Variants in AGPAT4 observed in about 807,000 individuals in gnomAD.
AGPAT4 encodes 1-acylglycerol-3-phosphate O-acyltransferase 4, also known as 1-acyl-sn-glycerol-3-phosphate acyltransferase delta.
In AGPAT4, 15 loss-of-function variants were observed where a neutral mutation model predicts 48.0. The observed-to-expected ratio is 0.31, with a 90% CI of 0.21 to 0.48. The LOEUF is 0.48. Ranked by LOEUF, AGPAT4 falls within the 20% of genes least tolerant of loss-of-function variation. The pLI is 0.99. For synonymous variants in AGPAT4, 178 were observed against 198.7 expected (o/e 0.90, Z 0.88); for missense variants, 314 against 482.5 (o/e 0.65, Z 3.27).
At position 161,169,986 on chromosome 6, in the gene AGPAT4, C is replaced by A. The variant is rs111815533; in HGVS notation, c.179-3569G>T. On this transcript the variant is annotated intron_variant, in intron 2 of 8. Coordinates refer to ENST00000320285, the MANE Select transcript of AGPAT4 (RefSeq NM_020133.3). This position sits in a 1 kb window ranked among gnomAD's most constrained non-coding sequence, Gnocchi z 5.0. ...ACTGCTCCTCCTTCCCCTGGATCCC[C>A]GCCAGCTTCTCTGAATCCCAGGCCA... Among the ~76,000 whole-genome samples the A allele has an allele frequency of 6.6e-6, 1 of 152,184 alleles. No homozygotes were observed. Among genetic ancestry groups the A allele is most frequent in the African/African-American group, 2.4e-5 (1 of 41,448 alleles).
At position 161,138,083 on chromosome 6, in the gene AGPAT4, G is replaced by C. The variant is rs907219749; in HGVS notation, c.1042+1339C>G. ...AAGCAGAAGGGTTGAGCTTGCCCCC[G>C]CCCTACCAGGGGCCCTGGCACCTGC... On this transcript the variant is annotated intron_variant, in intron 8 of 8. Transcript: ENST00000320285. This position sits in a 1 kb window ranked among gnomAD's most constrained non-coding sequence, Gnocchi z 4.8. 6.6e-6 allele frequency among the ~76,000 whole-genome samples: 1 copy of C among 152,192 alleles called. No homozygotes were observed. The highest frequency in any genetic ancestry group is 1.5e-5 in the Non-Finnish European group (1 of 68,036).
At position 161,166,342 on chromosome 6, in the gene AGPAT4, T is replaced by C. The variant is rs1172085537; in HGVS notation, c.254A>G (p.Tyr85Cys). 6.2e-7 allele frequency: 1 copy of C among 1,614,036 alleles called. No individual in the cohort carries two copies. Among genetic ancestry groups the C allele is most frequent in the Non-Finnish European group, 8.5e-7 (1 of 1,180,030 alleles). ...IFTDPRAYLK[Y>C]GKENAIVVLN... ...AACCACGATGGCATTTTCCTTCCCA[T>C]ACTTGAGGTAGGCGCGCGGGTCCGT... is the stretch of plus-strand genomic sequence containing the variant. The change falls in exon 3 of 9, where the codon TAT becomes TGT. Residue 85 changes from tyrosine (Y) to cysteine (C), a missense_variant. Physicochemically the swap from Tyr to Cys is radical, Grantham distance 194. Transcript: ENST00000320285. This position sits in a 1 kb window ranked among gnomAD's most constrained non-coding sequence, Gnocchi z 6.7.
At chr6:161,181,503 C>CGGGGGGGGGGGGGGGGG (rs776492737) in intron 2 of AGPAT4, among the ~76,000 whole-genome samples, 1 of 126,106 alleles carries the variant, frequency 7.9e-6, no homozygotes, top group Non-Finnish European at 1.7e-5. Flanking sequence ...GTGGGGGTAG[C>CGGGGGGGGGGGGGGGGG]AGGGGGCGGG....
In AGPAT4 at chr6:161,184,475, G is replaced by C. The variant is rs1040593268; in HGVS notation, c.179-18058C>G. ...GAGGGGCAGGTGATGGAGGAGTCTG[G>C]CATTTGGGTTTGAACACATCAGTCA... On this transcript the variant is annotated intron_variant, in intron 2 of 8. Transcript: ENST00000320285. This position sits in a 1 kb window ranked among gnomAD's most constrained non-coding sequence, Gnocchi z 4.8. Among the ~76,000 whole-genome samples, 15 of 151,978 alleles carry C rather than the reference G, an allele frequency of 9.9e-5. No homozygotes were observed. The highest frequency in any genetic ancestry group is 1.9e-4 in the Non-Finnish European group (13 of 68,004).
chr6:161,233,762 A>G lies in AGPAT4; in HGVS notation c.-89-1460T>C, dbSNP rs764649830. The stretch of plus-strand genomic sequence containing the variant: ...GATGTTTGGTAGGTGAGGTGCATGC[A>G]ATGCCTTTTTGACCTACAGTATTTT... On this transcript the variant is annotated intron_variant, in intron 1 of 8. Transcript: ENST00000320285. The surrounding 1 kb of genome is among the most constrained non-coding windows in gnomAD (Gnocchi z 5.4). Among the ~76,000 whole-genome samples the G allele has an allele frequency of 3.9e-5, 6 of 152,340 alleles. No homozygotes were observed. The highest frequency in any genetic ancestry group is 4.1e-4 in the South Asian group (2 of 4,830).
In AGPAT4 at chr6:161,139,137, C is replaced by T. The variant is rs1479354918; in HGVS notation, c.1042+285G>A. ...GAGGACAGGGAGGGAGCACTCCCAG[C>T]TGTCGGGGAGTGAAGTGGCAGCTGC... On this transcript the variant is annotated intron_variant, in intron 8 of 8. Coordinates refer to ENST00000320285, the MANE Select transcript of AGPAT4 (RefSeq NM_020133.3). This position sits in a 1 kb window ranked among gnomAD's most constrained non-coding sequence, Gnocchi z 9.1. Among the ~76,000 whole-genome samples, 1 of 152,206 alleles carries T rather than the reference C, an allele frequency of 6.6e-6. No individual in the cohort carries two copies. Among genetic ancestry groups the T allele is most frequent in the African/African-American group, 2.4e-5 (1 of 41,458 alleles).
chr6:161,247,594 C>A (rs976577236), intron 1 of AGPAT4, among the ~76,000 whole-genome samples: 2 of 152,150 alleles, frequency 1.3e-5, no homozygotes, highest in Non-Finnish European at 2.9e-5. Context: ...CCACAGCCAA[C>A]ACATCATACT....
At chr6:161,209,937 G>A (rs1191461285) in intron 2 of AGPAT4, among the ~76,000 whole-genome samples, 1 of 151,954 alleles carries the variant, frequency 6.6e-6, no homozygotes, top group Non-Finnish European at 1.5e-5. Flanking sequence ...GTTTTGTTTT[G>A]TTTTGTTTTG....
At position 161,143,357 on chromosome 6, in the gene AGPAT4, T is replaced by C. The variant is rs9458140; in HGVS notation, c.843+3167A>G. ...CCCAAAGTGCTTACTCCCAAAGGGA[T>C]TACTGGCATGAGCCACTGTGCCCAG... On this transcript the variant is annotated intron_variant, in intron 7 of 8. Transcript: ENST00000320285. The surrounding 1 kb of genome is among the most constrained non-coding windows in gnomAD (Gnocchi z 4.7). Among the ~76,000 whole-genome samples the C allele has an allele frequency of 0.19, 28,889 of 152,184 alleles. 2,985 individuals carry two copies. Among genetic ancestry groups the C allele is most frequent in the African/African-American group, 0.27 (11,383 of 41,516 alleles).
intron 3 of AGPAT4, among the ~76,000 whole-genome samples, chr6:161,163,837 AGGCATCGCCCTGGCCCCAGGC>A (rs1780009248): frequency 1.3e-5 from 2 of 152,182 alleles, no homozygotes; most frequent in South Asian, 4.1e-4. Context: ...AGAAGAGAAG[AGGCATCGCCCTGGCCCCAGGC>A]TCCCAGACCT....
rs1583266445 is a variant in AGPAT4, at chr6:161,133,193, C to G, written c.*3347G>C. On this transcript the variant is annotated 3_prime_UTR_variant, in exon 9 of 9. Coordinates refer to ENST00000320285, the MANE Select transcript of AGPAT4 (RefSeq NM_020133.3). ...AAGCCCATTCTGTTTTGCTTGGGGA[C>G]CAGCCAGACCACTCCTCCACTCCAG... 6.6e-6 allele frequency: 1 copy of G among 152,322 alleles called. No homozygotes were observed. Among genetic ancestry groups the G allele is most frequent in the East Asian group, 1.9e-4 (1 of 5,186 alleles). 9.4% of individuals were successfully genotyped at this position (152,322 alleles called of 1,614,324 possible).
Position 161,165,432 on chromosome 6 carries a change from G to C in AGPAT4, c.348+816C>G. The C allele has an allele frequency of 3.1e-6, 1 of 321,502 alleles. No individual in the cohort carries two copies. The highest frequency in any genetic ancestry group is 5.3e-6 in the Non-Finnish European group (1 of 187,770). 19.9% of individuals were successfully genotyped at this position (321,502 alleles called of 1,614,324 possible). A position where few individuals can be genotyped will look rare whatever the true frequency, so the allele number is the denominator to read the frequency against. Reference sequence around the variant, plus strand: ...TCTTCAGGGGCTACCAAAAAGCAAGGTGATTTCAGCAGCCCCCGTATCTGT... The same window carrying C: ...TCTTCAGGGGCTACCAAAAAGCAAGCTGATTTCAGCAGCCCCCGTATCTGT... On this transcript the variant is annotated intron_variant, in intron 3 of 8. Transcript: ENST00000320285. The surrounding 1 kb of genome is among the most constrained non-coding windows in gnomAD (Gnocchi z 5.5).
Position 161,219,913 on chromosome 6 carries a change from AGGC to A in AGPAT4, c.178+12120_178+12122del, listed in dbSNP as rs749492192. ...CAGGCAGGCAGGCAGGCAGGCAGGC[AGGC>A]GGCAGGCAGGCAGGCAGGCAGGCAG... On this transcript the variant is annotated intron_variant, in intron 2 of 8. Coordinates refer to ENST00000320285, the MANE Select transcript of AGPAT4 (RefSeq NM_020133.3). This position sits in a 1 kb window ranked among gnomAD's most constrained non-coding sequence, Gnocchi z 4.9. Among the ~76,000 whole-genome samples the A allele has an allele frequency of 1.0e-2, 1,134 of 113,822 alleles. 23 individuals are homozygous for A. The highest frequency in any genetic ancestry group is 0.017 in the Middle Eastern group (4 of 238). The allele number at this position is 113,822 out of a possible 152,430, so 74.7% of individuals were successfully genotyped here. A position where few individuals can be genotyped will look rare whatever the true frequency, so the allele number is the denominator to read the frequency against.
At chr6:161,253,313 G>C in intron 1 of AGPAT4, among the ~76,000 whole-genome samples, 1 of 148,758 alleles carries the variant, frequency 6.7e-6, no homozygotes, top group Non-Finnish European at 1.5e-5. Context: ...GGAGTGCAGT[G>C]GCGCAATCTC....
In AGPAT4 at chr6:161,262,011, G is replaced by T. The variant is rs2114752102; in HGVS notation, c.-90+11927C>A. ...GAGTTCCTAGTCGAGGGCTGGTGGT[G>T]AGGATTATCCGTAGACCTTTGCCTG... On this transcript the variant is annotated intron_variant, in intron 1 of 8. Transcript: ENST00000320285. This position sits in a 1 kb window ranked among gnomAD's most constrained non-coding sequence, Gnocchi z 4.9. 2.0e-5 allele frequency among the ~76,000 whole-genome samples: 3 copies of T among 152,294 alleles called. No individual in the cohort carries two copies. The South Asian group carries it at 6.2e-4, about 32-fold the overall frequency.
chr6:161,179,959 A>C (rs2114991556), intron 2 of AGPAT4, among the ~76,000 whole-genome samples: 1 of 152,274 alleles, frequency 6.6e-6, no homozygotes, highest in Middle Eastern at 3.4e-3. Flanking sequence ...AAAACAAAAT[A>C]AACAATTTAA....
At position 161,144,623 on chromosome 6, in the gene AGPAT4, G is replaced by T. The variant is rs1023407100; in HGVS notation, c.843+1901C>A. Among the ~76,000 whole-genome samples, 1 of 152,118 alleles carries T rather than the reference G, an allele frequency of 6.6e-6. No homozygotes were observed. Among genetic ancestry groups the T allele is most frequent in the African/African-American group, 2.4e-5 (1 of 41,410 alleles). On this transcript the variant is annotated intron_variant, in intron 7 of 8. Transcript: ENST00000320285. The surrounding 1 kb of genome is among the most constrained non-coding windows in gnomAD (Gnocchi z 6.6). Reference sequence around the variant, plus strand: ...CGTTTATTGTAGATTTGTTTGTGTGGCTCTTTACAAAAGAGGCTCATTTTC... The same window carrying T: ...CGTTTATTGTAGATTTGTTTGTGTGTCTCTTTACAAAAGAGGCTCATTTTC...
At chr6:161,150,326 T>G (rs1779552744) in intron 5 of AGPAT4, among the ~76,000 whole-genome samples, 1 of 152,190 alleles carries the variant, frequency 6.6e-6, no homozygotes, top group African/African-American at 2.4e-5. Context: ...GGGCTAGGTC[T>G]TCTCCTGGAG....
At chr6:161,160,927 C>T (rs1208351569) in intron 3 of AGPAT4, 1 of 443,424 alleles carries the variant, frequency 2.3e-6, no homozygotes, top group Non-Finnish European at 4.6e-6. Context: ...TGGCCTCGCC[C>T]AGCACCCCAG....
Sources: allele counts gnomAD v4.1 joint callset (sites outside exome capture counted in the v4.1 genomes callset), GRCh38; gene constraint gnomAD v4.1.1; non-coding constraint Gnocchi (gnomAD v3.1); transcripts MANE v1.5; gene names NCBI Gene and HGNC (gene_info 2026-07-23, HGNC 2026-07-21).